The following PIK3C2B variants were observed in gnomAD, a reference collection of about 807,000 sequenced individuals.
PIK3C2B encodes phosphatidylinositol-4-phosphate 3-kinase catalytic subunit type 2 beta.
A neutral mutation model predicts 184.3 loss-of-function variants in PIK3C2B; 83 were observed. The observed-to-expected ratio is 0.45, with a 90% CI of 0.38 to 0.54. PIK3C2B has a LOEUF of 0.54. PIK3C2B is among the 20% of genes least tolerant of loss of function. The probability of loss-of-function intolerance (pLI) is 0.00; values close to 1 mark genes in which losing one functional copy is unlikely to be tolerated. For missense variants in PIK3C2B, 1,736 were observed against 2,113.5 expected, an observed-to-expected ratio of 0.82 and a Z score of 3.50; for synonymous variants, 779 against 837.6, an observed-to-expected ratio of 0.93 and a Z score of 1.21.
chr1:204,474,219 G>A (rs182834744), intron 1 of PIK3C2B, among the ~76,000 whole-genome samples: 3 of 152,202 alleles, frequency 2.0e-5, no homozygotes, highest in South Asian at 2.1e-4. Flanking sequence ...GCGAACTCCC[G>A]ACCTCAGGTG....
chr1:204,424,777 G>C lies in PIK3C2B; in HGVS notation c.*75C>G. ...CAGGGCCCTGGCCCTTCACAAGGAG[G>C]AGTCTCACAGGGGAGAGTCCTCTCC... is the stretch of plus-strand genomic sequence containing the variant. On this transcript the variant is annotated 3_prime_UTR_variant, in exon 33 of 33. Coordinates refer to ENST00000684373, the MANE Select transcript of PIK3C2B (RefSeq NM_001377334.1). 6.9e-7 allele frequency: 1 copy of C among 1,453,776 alleles called. No individual in the cohort carries two copies. The allele number at this position is 1,453,776 out of a possible 1,614,324, so 90.1% of individuals were successfully genotyped here.
chr1:204,486,037 T>G (rs1292732474), intron 1 of PIK3C2B, among the ~76,000 whole-genome samples: 1 of 152,234 alleles, frequency 6.6e-6, no homozygotes, highest in African/African-American at 2.4e-5. Flanking sequence ...AGAATAAAAA[T>G]AATAGCTTTT....
At chr1:204,427,981 C>T (rs1451584603) in intron 30 of PIK3C2B, among the ~76,000 whole-genome samples, 158 bp downstream of exon 30, 3 of 152,156 alleles carry the variant, frequency 2.0e-5, no homozygotes, top group Non-Finnish European at 4.4e-5. Context: ...GAACTATGGA[C>T]CCCACGGCCT....
In PIK3C2B at chr1:204,447,358, C is replaced by T. The variant is rs1653963451; in HGVS notation, c.2489+78G>A. ...ATGCCCACCCCTTCCCACCTCCACT[C>T]CCAAAGCAGGAGGACGGAGACTCAG... is the stretch of plus-strand genomic sequence containing the variant. On this transcript the variant is annotated intron_variant, in intron 15 of 32. Transcript: ENST00000684373. This position sits in a 1 kb window ranked among gnomAD's most constrained non-coding sequence, Gnocchi z 4.1. 3 of 1,447,582 alleles carry T rather than the reference C, an allele frequency of 2.1e-6. No individual in the cohort carries two copies. Among genetic ancestry groups the T allele is most frequent in the Admixed American group, 3.6e-5 (2 of 56,000 alleles). 89.7% of individuals were successfully genotyped at this position (1,447,582 alleles called of 1,614,324 possible).
At chr1:204,468,178 A>C (rs569077400) in intron 2 of PIK3C2B, among the ~76,000 whole-genome samples, 2 of 152,358 alleles carry the variant, frequency 1.3e-5, no homozygotes, top group African/African-American at 4.8e-5. Context: ...CGTCAGTGCC[A>C]CTGACTGCAC....
At position 204,432,256 on chromosome 1, in the gene PIK3C2B, T is replaced by G; in HGVS notation, c.4099A>C (p.Ile1367Leu). The change falls in exon 27 of 33, where the codon ATC becomes CTC. Residue 1367 changes from isoleucine to leucine, a missense_variant. Transcript: ENST00000684373. ...RTHTLKSSGR[I>L]SDVFLCRHEK... ...TGGCGGCAGAGGAAAACATCACTGA[T>G]TCGGCCAGAGCTCTTGAGAGTGTGT... 1 of 1,614,096 alleles carries G rather than the reference T, an allele frequency of 6.2e-7. No individual in the cohort carries two copies. Among genetic ancestry groups the G allele is most frequent in the Non-Finnish European group, 8.5e-7 (1 of 1,180,002 alleles).
Position 204,449,255 on chromosome 1 carries a change from G to T in PIK3C2B, c.2276C>A (p.Ala759Glu). 1.9e-6 allele frequency: 3 copies of T among 1,612,876 alleles called. No individual in the cohort carries two copies. Among genetic ancestry groups the T allele is most frequent in the Non-Finnish European group, 2.5e-6 (3 of 1,179,644 alleles). The change falls in exon 14 of 33, where the codon GCA (alanine) becomes GAA (glutamate). Residue 759 changes from alanine (A) to glutamate (E), a missense_variant. By Grantham distance (107) the Ala-to-Glu change is moderately radical. This residue lies in a region of PIK3C2B where 609 missense variants were observed against 699.2 expected (regional missense o/e 0.87). Coordinates refer to ENST00000684373, the MANE Select transcript of PIK3C2B (RefSeq NM_001377334.1). The part of the protein sequence containing the change: ...CGRKLLGLWP[A>E]TQENPSARWS... ...ACGGGCGCTGGGATTTTCCTGTGTT[G>T]CTGGCCACAAACCCAGAAGCTTCCG...
In PIK3C2B at chr1:204,443,257, T is replaced by G. The variant is rs1311513816; in HGVS notation, c.3048+160A>C. 1.3e-5 allele frequency among the ~76,000 whole-genome samples: 2 copies of G among 152,248 alleles called. 1 individual carries two copies. Among genetic ancestry groups the G allele is most frequent in the Admixed American group, 1.3e-4 (2 of 15,282 alleles). ...ACACATCCACGGGCTGTATCCAGCT[T>G]GTGGACTGCCTGTTTACGGCCTAGT... On this transcript the variant is annotated intron_variant, in intron 19 of 32. Transcript: ENST00000684373.
At chr1:204,443,748 G>A in intron 18 of PIK3C2B, 151 bp from the exon 19 acceptor site, 1 of 700,232 alleles carries the variant, frequency 1.4e-6, no homozygotes, top group Non-Finnish European at 2.5e-6. Context: ...GGCTCATATG[G>A]AGATGCTCAC....
Position 204,447,534 on chromosome 1 carries a change from G to A in PIK3C2B, c.2391C>T (p.Pro797=). The A allele has an allele frequency of 1.9e-6, 3 of 1,611,368 alleles. No homozygotes were observed. The South Asian group carries it at 3.3e-5, about 18-fold the overall frequency. The change falls in exon 15 of 33, where the codon CCC becomes CCT. Residue 797 remains proline, a synonymous_variant. Transcript: ENST00000684373. This position sits in a 1 kb window ranked among gnomAD's most constrained non-coding sequence, Gnocchi z 4.1. ...AGCGGGGGCTGAACTTGTCTCCAGGGGGGCTGGTGAACTTGATGTCAAAGG... is the reference window on the plus strand; with the variant it reads ...AGCGGGGGCTGAACTTGTCTCCAGGAGGGCTGGTGAACTTGATGTCAAAGG... ...TSAFDIKFTS[P]PGDKFSPRYE...
Position 204,474,558 on chromosome 1 carries a change from G to A in PIK3C2B, c.-84-4672C>T, listed in dbSNP as rs1656567896. 2.0e-5 allele frequency among the ~76,000 whole-genome samples: 3 copies of A among 152,168 alleles called. No individual in the cohort carries two copies. In the South Asian group the frequency reaches 6.2e-4, roughly 32 times the overall value. ...TTCTTCCTTAAACCCTCTCCCGCTG[G>A]CTTTCATGAAGATATTTTTTTCTTG... On this transcript the variant is annotated intron_variant, in intron 1 of 32. Transcript: ENST00000684373.
intron 30 of PIK3C2B, 61 bp from the exon 31 acceptor site, chr1:204,427,815 C>T: frequency 8.4e-7 from 1 of 1,189,134 alleles, no homozygotes; most frequent in Middle Eastern, 1.9e-4. Context: ...CTGTTTTCTT[C>T]CTGAACCCCC....
chr1:204,471,040 C>T (rs898295574), intron 1 of PIK3C2B, among the ~76,000 whole-genome samples: 1 of 152,204 alleles, frequency 6.6e-6, no homozygotes. Context: ...TGAATATGTT[C>T]ATTATCTCGA....
rs369342213 is a variant in PIK3C2B, at chr1:204,439,353, T to A, written c.3380-282A>T. Among the ~76,000 whole-genome samples, 55 of 152,312 alleles carry A rather than the reference T, an allele frequency of 3.6e-4. No homozygotes were observed. In the East Asian group the frequency reaches 7.5e-3, roughly 21 times the overall value. On this transcript the variant is annotated intron_variant, in intron 22 of 32. Transcript: ENST00000684373. ...AAAATATATATAAGAATAAAAAGAATGGTATCATGACTTCACATGTAACTA... is the reference window on the plus strand; with the variant it reads ...AAAATATATATAAGAATAAAAAGAAAGGTATCATGACTTCACATGTAACTA...
intron 12 of PIK3C2B, among the ~76,000 whole-genome samples, chr1:204,453,535 G>C (rs1654554418): frequency 6.6e-6 from 1 of 152,152 alleles, no homozygotes; most frequent in African/African-American, 2.4e-5. Context: ...AGAATAGAGA[G>C]AAAGTAGTAT....
intron 27 of PIK3C2B, 66 bp downstream of exon 27, chr1:204,432,134 C>T: frequency 6.9e-7 from 1 of 1,454,016 alleles, no homozygotes; most frequent in Non-Finnish European, 9.6e-7. Flanking sequence ...TGGAAAAAGT[C>T]AGGATCCCAG....
chr1:204,448,778 T>C (rs1558248218), intron 14 of PIK3C2B, among the ~76,000 whole-genome samples: 1 of 152,064 alleles, frequency 6.6e-6, no homozygotes, highest in Non-Finnish European at 1.5e-5. Flanking sequence ...CCTCCTCTTC[T>C]CCCTGGAGAA....
chr1:204,431,340 A>C, intron 28 of PIK3C2B: 1 of 331,444 alleles, frequency 3.0e-6, no homozygotes, highest in East Asian at 6.1e-5. Flanking sequence ...TAAATGCTGA[A>C]TAATATCCCA....
rs962257800 is a variant in PIK3C2B at position 204,423,528 on chromosome 1, G to C, written c.*1324C>G. 6.6e-6 allele frequency: 1 copy of C among 152,218 alleles called. No individual in the cohort carries two copies. Among genetic ancestry groups the C allele is most frequent in the African/African-American group, 2.4e-5 (1 of 41,320 alleles). 9.4% of individuals were successfully genotyped at this position (152,218 alleles called of 1,614,324 possible). Reference sequence around the variant, plus strand: ...GAGTCAGTCTCAGTCTCTCCCTTCGGGCTCCTGAGCTTAGCTCCAGGGGAA... The same window carrying C: ...GAGTCAGTCTCAGTCTCTCCCTTCGCGCTCCTGAGCTTAGCTCCAGGGGAA... On this transcript the variant is annotated 3_prime_UTR_variant, in exon 33 of 33. Transcript: ENST00000684373.
Sources: allele counts gnomAD v4.1 joint callset (sites outside exome capture counted in the v4.1 genomes callset), GRCh38; gene constraint gnomAD v4.1.1; regional missense constraint gnomAD v4.1.1; non-coding constraint Gnocchi (gnomAD v3.1); transcripts MANE v1.5; gene names NCBI Gene and HGNC (gene_info 2026-07-23, HGNC 2026-07-21).